Variants in ADPGK observed in about 807,000 individuals in gnomAD.
ADPGK encodes the protein ADP dependent glucokinase.
Under a neutral mutation model 42.4 loss-of-function variants are expected in ADPGK, and 26 were observed. That is an observed-to-expected ratio of 0.61 (90% CI 0.45 to 0.85). ADPGK has a LOEUF of 0.85. ADPGK is among the 40% of genes least tolerant of loss of function. The pLI, the probability that ADPGK is intolerant of heterozygous loss-of-function variation, is 0.00. For missense variants in ADPGK, 571 were observed against 627.0 expected, an observed-to-expected ratio of 0.91 and a Z score of 0.95; for synonymous variants, 267 against 252.6, an observed-to-expected ratio of 1.06 and a Z score of -0.54.
At chr15:72,782,379 G>C (rs369503780) in intron 1 of ADPGK, among the ~76,000 whole-genome samples, 7 of 151,810 alleles carry the variant, frequency 4.6e-5, no homozygotes, top group Admixed American at 2.0e-4. Context: ...TAAAAAATTG[G>C]CTGGGCGTGG....
intron 1 of ADPGK, among the ~76,000 whole-genome samples, chr15:72,775,767 C>A (rs1177715216): frequency 6.6e-6 from 1 of 152,098 alleles, no homozygotes; most frequent in South Asian, 2.1e-4. Flanking sequence ...TAAGAACTCA[C>A]CCTTTGGCCA....
chr15:72,774,666 A>G (rs2066368419), intron 2 of ADPGK, among the ~76,000 whole-genome samples: 1 of 152,110 alleles, frequency 6.6e-6, no homozygotes, highest in Admixed American at 6.5e-5. Flanking sequence ...AGGCCCAGAA[A>G]TCTGTGTTTC....
Position 72,755,667 on chromosome 15 carries a change from G to A in ADPGK, c.841-13C>T. The A allele has an allele frequency of 3.2e-6, 5 of 1,581,532 alleles. No individual in the cohort carries two copies. Among genetic ancestry groups the A allele is most frequent in the South Asian group, 2.2e-5 (2 of 90,282 alleles). On this transcript the variant is annotated splice_polypyrimidine_tract_variant and intron_variant, in intron 5 of 6. Coordinates refer to ENST00000456471, the MANE Select transcript of ADPGK (RefSeq NM_001365225.1). The stretch of plus-strand genomic sequence containing the variant: ...TGGAGGTTACAACCTGCAAAGAGAA[G>A]AAGATAAGCACTGCCATTAGAAATA...
intron 2 of ADPGK, among the ~76,000 whole-genome samples, chr15:72,772,321 C>A (rs1192299055): frequency 6.6e-6 from 1 of 152,262 alleles, no homozygotes; most frequent in Non-Finnish European, 1.5e-5. Flanking sequence ...CCCTTCCCTT[C>A]CACACCCTGC....
chr15:72,764,576 C>CTGA (rs1419120846), intron 3 of ADPGK, among the ~76,000 whole-genome samples: 1 of 152,210 alleles, frequency 6.6e-6, no homozygotes, highest in African/African-American at 2.4e-5. Context: ...GCAGCAAGTG[C>CTGA]TGATGTAGAA....
At chr15:72,758,686 G>C (rs924172647) in intron 4 of ADPGK, 16 of 165,724 alleles carry the variant, frequency 9.7e-5, no homozygotes, top group Admixed American at 7.2e-4. Flanking sequence ...GCGGTGAACT[G>C]TGCTGTCTCC....
intron 1 of ADPGK, 141 bp downstream of exon 1, chr15:72,783,318 G>T: frequency 7.8e-7 from 1 of 1,277,474 alleles, no homozygotes; most frequent in South Asian, 2.8e-5. Context: ...CCACTCAGAC[G>T]TCCGACACTT....
At position 72,752,436 on chromosome 15, in the gene ADPGK, C is replaced by G; in HGVS notation, c.1399G>C (p.Val467Leu). The G allele has an allele frequency of 6.2e-7, 1 of 1,614,176 alleles. No individual in the cohort carries two copies. Among genetic ancestry groups the G allele is most frequent in the Non-Finnish European group, 8.5e-7 (1 of 1,180,004 alleles). ...REGISFHFTP[V>L]LVCKDPIRTV... The stretch of plus-strand genomic sequence containing the variant: ...CGAATGGGGTCTTTACACACCAATA[C>G]TGGTGTGAAGTGGAAGGATATTCCC... Residue 467 changes from valine (V) to leucine (L), a missense_variant, in exon 7 of 7, where the codon GTA becomes CTA. By Grantham distance (32) the Val-to-Leu change is conservative. Around this residue, in one of 2 missense-constraint regions of ADPGK, gnomAD observed 434 missense variants for 522.7 expected, o/e 0.83. Coordinates refer to ENST00000456471, the MANE Select transcript of ADPGK (RefSeq NM_001365225.1).
At position 72,783,017 on chromosome 15, in the gene ADPGK, T is replaced by G. The variant is rs867643944; in HGVS notation, c.233+442A>C. Reference sequence around the variant, plus strand: ...GGAGTTGCAGTACAGTCGTGTGGTTTCTAGACTACACGGCGTTTCGAAAGT... The same window carrying G: ...GGAGTTGCAGTACAGTCGTGTGGTTGCTAGACTACACGGCGTTTCGAAAGT... On this transcript the variant is annotated intron_variant, in intron 1 of 6. Coordinates refer to ENST00000456471, the MANE Select transcript of ADPGK (RefSeq NM_001365225.1). The G allele has an allele frequency of 7.8e-4, 138 of 176,058 alleles. 2 individuals carry two copies. Among genetic ancestry groups the G allele is most frequent in the Admixed American group, 4.0e-3 (62 of 15,408 alleles). 10.9% of individuals were successfully genotyped at this position (176,058 alleles called of 1,614,324 possible).
intron 3 of ADPGK, among the ~76,000 whole-genome samples, chr15:72,761,716 T>TTG (rs2066195916): frequency 6.6e-6 from 1 of 151,134 alleles, no homozygotes; most frequent in Non-Finnish European, 1.5e-5. Flanking sequence ...TTTTTTTTTT[T>TTG]GAGACAGAGT....
At chr15:72,758,535 C>G (rs2066146467) in intron 4 of ADPGK, 3 of 257,140 alleles carry the variant, frequency 1.2e-5, no homozygotes, top group Admixed American at 5.0e-5. Flanking sequence ...TGCCACTAGA[C>G]TAGGCTCCCT....
chr15:72,783,618 G>C lies in ADPGK; in HGVS notation c.74C>G (p.Pro25Arg). 6.6e-7 allele frequency: 1 copy of C among 1,515,416 alleles called. No individual in the cohort carries two copies. The highest frequency in any genetic ancestry group is 8.8e-7 in the Non-Finnish European group (1 of 1,139,744). The allele number at this position is 1,515,416 out of a possible 1,614,324, so 93.9% of individuals were successfully genotyped here. A position where few individuals can be genotyped will look rare whatever the true frequency, so the allele number is the denominator to read the frequency against. Residue 25 changes from proline to arginine, a missense_variant, in exon 1 of 7, where the codon CCA (proline) becomes CGA (arginine). Around this residue, in one of 2 missense-constraint regions of ADPGK, gnomAD observed 137 missense variants for 104.2 expected, o/e 1.31. Transcript: ENST00000456471. The stretch of plus-strand genomic sequence containing the variant: ...GCGCAGCGCCGAGCCTGGCAGCTCT[G>C]GCTCCAGCAGGAAGACGCAGCCCAC... ...LAVGCVFLLEPELPGSALRSL... is the reference protein window; with the variant it reads ...LAVGCVFLLERELPGSALRSL...
intron 3 of ADPGK, among the ~76,000 whole-genome samples, chr15:72,765,602 A>T (rs2066248593): frequency 6.6e-6 from 1 of 152,260 alleles, no homozygotes; most frequent in Non-Finnish European, 1.5e-5. Flanking sequence ...TTTATGATTT[A>T]TAGGAGGAAG....
At chr15:72,765,430 G>A (rs1045467706) in intron 3 of ADPGK, among the ~76,000 whole-genome samples, 3 of 152,142 alleles carry the variant, frequency 2.0e-5, no homozygotes, top group African/African-American at 4.8e-5. Context: ...GATTACAGGC[G>A]TGAGCCACTG....
At position 72,754,234 on chromosome 15, in the gene ADPGK, C is replaced by G. The variant is rs537322888; in HGVS notation, c.939+1322G>C. Among the ~76,000 whole-genome samples the G allele has an allele frequency of 7.9e-5, 12 of 152,232 alleles. No individual in the cohort carries two copies. In the South Asian group the frequency reaches 2.5e-3, roughly 32 times the overall value. On this transcript the variant is annotated intron_variant, in intron 6 of 6. Transcript: ENST00000456471. Reference sequence around the variant, plus strand: ...CAACTTGTCTAATCCACAGATTCCACAGGGCCAACTGCAGGACTTAACCAT... The same window carrying G: ...CAACTTGTCTAATCCACAGATTCCAGAGGGCCAACTGCAGGACTTAACCAT...
chr15:72,753,892 C>T (rs1440374140), intron 6 of ADPGK, among the ~76,000 whole-genome samples: 4 of 151,984 alleles, frequency 2.6e-5, no homozygotes, highest in Admixed American at 2.6e-4. Flanking sequence ...CAAGAGTGAA[C>T]CCAAGTGTAA....
chr15:72,768,361 G>A (rs1046998064), intron 3 of ADPGK, among the ~76,000 whole-genome samples: 3 of 152,150 alleles, frequency 2.0e-5, no homozygotes, highest in Non-Finnish European at 2.9e-5. Context: ...ATACCAATGC[G>A]ACACTCACTC....
rs747463456 is a variant in ADPGK at position 72,751,520 on chromosome 15, G to A, written c.*821C>T. The stretch of plus-strand genomic sequence containing the variant: ...ATCAGTGAAAACATAAAACATCCAT[G>A]ATCTGTTAACACACACAGGAGCATA... On this transcript the variant is annotated 3_prime_UTR_variant, in exon 7 of 7. Coordinates refer to ENST00000456471, the MANE Select transcript of ADPGK (RefSeq NM_001365225.1). 1 of 152,592 alleles carries A rather than the reference G, an allele frequency of 6.6e-6. No homozygotes were observed. The highest frequency in any genetic ancestry group is 6.5e-5 in the Admixed American group (1 of 15,272). The allele number at this position is 152,592 out of a possible 1,614,324, so 9.5% of individuals were successfully genotyped here.
Position 72,752,755 on chromosome 15 carries a change from G to C in ADPGK, c.1080C>G (p.Phe360Leu). The C allele has an allele frequency of 6.2e-7, 1 of 1,614,242 alleles. No homozygotes were observed. Among genetic ancestry groups the C allele is most frequent in the Non-Finnish European group, 8.5e-7 (1 of 1,180,052 alleles). ...PDVGMVSDIL[F>L]WILKEHGRSK... is the part of the protein sequence containing the mutation. ...TCCTCCCATGTTCTTTCAAGATCCAGAAGAGGATGTCACTGACCATGCCCA... is the reference window on the plus strand; with the variant it reads ...TCCTCCCATGTTCTTTCAAGATCCACAAGAGGATGTCACTGACCATGCCCA... The change falls in exon 7 of 7, where the codon TTC becomes TTG. Residue 360 changes from phenylalanine to leucine, a missense_variant. Physicochemically the swap from Phe to Leu is conservative, Grantham distance 22. Transcript: ENST00000456471.
Sources: allele counts gnomAD v4.1 joint callset (sites outside exome capture counted in the v4.1 genomes callset), GRCh38; gene constraint gnomAD v4.1.1; regional missense constraint gnomAD v4.1.1; transcripts MANE v1.5; gene names NCBI Gene and HGNC (gene_info 2026-07-23, HGNC 2026-07-21).